The following CHD9 variants were observed in gnomAD, a reference collection of about 807,000 sequenced individuals.
CHD9 encodes the protein ATP-dependent chromatin remodeler CHD9.
Under a neutral mutation model 316.1 loss-of-function variants are expected in CHD9, and 77 were observed. The ratio of observed to expected loss-of-function variants is 0.24; its 90% CI spans 0.20 to 0.29. The LOEUF (loss-of-function observed/expected upper bound fraction) is 0.29. Ranked by LOEUF, CHD9 falls within the 10% of genes least tolerant of loss-of-function variation. The probability of loss-of-function intolerance (pLI) is 1.00; values close to 1 mark genes in which losing one functional copy is unlikely to be tolerated. For synonymous variants in CHD9, 1,129 were observed against 1,158.3 expected, an observed-to-expected ratio of 0.97 and a Z score of 0.51; for missense variants, 2,763 against 3,438.1, an observed-to-expected ratio of 0.80 and a Z score of 4.91.
chr16:53,183,877 C>A (rs2043752355), intron 2 of CHD9, among the ~76,000 whole-genome samples: 1 of 152,164 alleles, frequency 6.6e-6, no homozygotes, highest in Admixed American at 6.5e-5. Context: ...TGTCCTCATT[C>A]ATAAAATGTG....
chr16:53,130,384 G>A (rs960191689), intron 1 of CHD9, among the ~76,000 whole-genome samples: 7 of 152,132 alleles, frequency 4.6e-5, no homozygotes, highest in Middle Eastern at 3.4e-3. Flanking sequence ...CTGCCCGAGA[G>A]ATGCCCTGCA....
chr16:53,127,952 A>G (rs1329686769), intron 1 of CHD9, among the ~76,000 whole-genome samples: 1 of 151,764 alleles, frequency 6.6e-6, no homozygotes, highest in Non-Finnish European at 1.5e-5. Flanking sequence ...AAAAAAAAAA[A>G]AAAAAAAGCC....
rs1480227054 is a variant in CHD9, at chr16:53,156,485, C to T, written c.396C>T (p.Thr132=). 3.7e-6 allele frequency: 6 copies of T among 1,613,938 alleles called. No homozygotes were observed. The East Asian group carries it at 1.3e-4, about 36-fold the overall frequency. The change falls in exon 2 of 39, where the codon ACC becomes ACT. Residue 132 remains threonine, a synonymous_variant. Transcript: ENST00000447540. ...TGTGGGGCCATCAGACAGCTACTAC[C>T]ATTTCAAATCAAAATGGATCTCCTT... ...SPMWGHQTAT[T]ISNQNGSPFH... is the part of the protein sequence containing the mutation.
chr16:53,100,194 C>T (rs968624696), intron 1 of CHD9, among the ~76,000 whole-genome samples: 8 of 152,304 alleles, frequency 5.3e-5, no homozygotes, highest in African/African-American at 1.9e-4. Flanking sequence ...CCGAAGAAAA[C>T]TTCTCCTGCC....
intron 3 of CHD9, among the ~76,000 whole-genome samples, chr16:53,210,685 G>T (rs79231128): frequency 6.6e-6 from 1 of 151,864 alleles, no homozygotes; most frequent in Admixed American, 6.6e-5. Context: ...CAAAAAGTCC[G>T]CAATAAAGAA....
chr16:53,290,439 A>AG, intron 27 of CHD9, among the ~76,000 whole-genome samples: 1 of 152,104 alleles, frequency 6.6e-6, no homozygotes, highest in East Asian at 1.9e-4. Flanking sequence ...TGACTGACAG[A>AG]GGAAAAACTA....
In CHD9 at chr16:53,324,716, T is replaced by C. The variant is rs2057477206; in HGVS notation, c.8515T>C (p.Ser2839Pro). The C allele has an allele frequency of 6.2e-7, 1 of 1,613,332 alleles. No individual in the cohort carries two copies. The highest frequency in any genetic ancestry group is 1.1e-5 in the South Asian group (1 of 90,940). Residue 2839 changes from serine (S) to proline (P), a missense_variant, in exon 39 of 39, where the codon TCT (serine) becomes CCT (proline). Transcript: ENST00000447540. ...AAACAGTGACTTAGGCTCGTCTAAG[T>C]CTGTAGAAGTAAAAGAAGAAGATTC... is the stretch of plus-strand genomic sequence containing the variant. ...NKNSDLGSSK[S>P]VEVKEEDSRI...
chr16:53,227,414 G>C lies in CHD9; in HGVS notation c.2062G>C (p.Asp688His). Residue 688 changes from aspartate to histidine, a missense_variant, in exon 6 of 39, where the codon GAT (aspartate) becomes CAT (histidine). Physicochemically the swap from Asp to His is moderately conservative, Grantham distance 81. This residue lies in a region of CHD9 where 859 missense variants were observed against 890.4 expected (regional missense o/e 0.96). Transcript: ENST00000447540. ...QLFVENPSEE[D>H]AAIVDKILSS... ...CCCATAGGAGAATCCGAGTGAAGAA[G>C]ATGCTGCAATTGTAGACAAAATTCT... 6.4e-7 allele frequency: 1 copy of C among 1,570,886 alleles called. No individual in the cohort carries two copies.
chr16:53,078,771 T>C (rs1165512849), intron 1 of CHD9, among the ~76,000 whole-genome samples: 1 of 152,200 alleles, frequency 6.6e-6, no homozygotes, highest in East Asian at 1.9e-4. Flanking sequence ...TCATGGCTCC[T>C]GGCCCAGAAG....
In CHD9 at chr16:53,305,841, T is replaced by A. The variant is rs1219343976; in HGVS notation, c.6620-396T>A. On this transcript the variant is annotated intron_variant, in intron 31 of 38. Transcript: ENST00000447540. Reference sequence around the variant, plus strand: ...TGCCCAATTCTAAGAGTTACAAGAGTCACCTAATCAAGAGAATTATGGTAT... The same window carrying A: ...TGCCCAATTCTAAGAGTTACAAGAGACACCTAATCAAGAGAATTATGGTAT... Among the ~76,000 whole-genome samples the A allele has an allele frequency of 2.0e-5, 3 of 152,084 alleles. No individual in the cohort carries two copies. The East Asian group carries it at 5.8e-4, about 29-fold the overall frequency.
intron 1 of CHD9, among the ~76,000 whole-genome samples, chr16:53,108,576 T>C (rs1415044703): frequency 6.6e-6 from 1 of 151,624 alleles, no homozygotes; most frequent in Non-Finnish European, 1.5e-5. Flanking sequence ...ATATCAATTA[T>C]TAAAACCTCT....
chr16:53,220,021 G>A (rs1379916704), intron 3 of CHD9, among the ~76,000 whole-genome samples: 1 of 152,144 alleles, frequency 6.6e-6, no homozygotes, highest in Non-Finnish European at 1.5e-5. Context: ...AGGTCATATG[G>A]GGTCTAACAG....
At chr16:53,238,932 T>C (rs2152941606) in intron 12 of CHD9, among the ~76,000 whole-genome samples, 1 of 152,318 alleles carries the variant, frequency 6.6e-6, no homozygotes, top group East Asian at 1.9e-4. Context: ...CTCTGATCAT[T>C]GTCCAGCTTT....
intron 1 of CHD9, among the ~76,000 whole-genome samples, chr16:53,131,674 C>G (rs1597087137): frequency 6.6e-6 from 1 of 151,982 alleles, no homozygotes; most frequent in Non-Finnish European, 1.5e-5. Context: ...GGGTTGGGTT[C>G]CCTCCCGACG....
chr16:53,326,539 A>G lies in CHD9; in HGVS notation c.*1644A>G, dbSNP rs917596062. The stretch of plus-strand genomic sequence containing the variant: ...GTGTTATATGTATTTACAAAATTAT[A>G]TAAGTTCCATTGGGATTGTATTGAT... On this transcript the variant is annotated 3_prime_UTR_variant, in exon 39 of 39. Coordinates refer to ENST00000447540, the MANE Select transcript of CHD9 (RefSeq NM_001308319.2). 2 of 152,500 alleles carry G rather than the reference A, an allele frequency of 1.3e-5. No homozygotes were observed. The highest frequency in any genetic ancestry group is 2.4e-5 in the African/African-American group (1 of 41,466). The allele number at this position is 152,500 out of a possible 1,614,324, so 9.4% of individuals were successfully genotyped here. A position where few individuals can be genotyped will look rare whatever the true frequency, so the allele number is the denominator to read the frequency against.
intron 1 of CHD9, among the ~76,000 whole-genome samples, chr16:53,127,621 G>A (rs1486174063): frequency 6.6e-6 from 1 of 151,874 alleles, no homozygotes; most frequent in Non-Finnish European, 1.5e-5. Flanking sequence ...AAATGGGGGC[G>A]GGGGGGAATC....
Position 53,285,677 on chromosome 16 carries a change from C to G in CHD9, c.5049C>G (p.Leu1683=), listed in dbSNP as rs2053811433. Residue 1683 remains leucine (L), a synonymous_variant, in exon 25 of 39, where the codon CTC becomes CTG. Coordinates refer to ENST00000447540, the MANE Select transcript of CHD9 (RefSeq NM_001308319.2). ...EWWDFDADKS[L]LIGVFKHGYE... is the part of the protein sequence containing the mutation. Reference sequence around the variant, plus strand: ...GGGATTTTGATGCTGATAAGTCACTCCTTATTGGAGTTTTTAAACATGGTA... The same window carrying G: ...GGGATTTTGATGCTGATAAGTCACTGCTTATTGGAGTTTTTAAACATGGTA... The G allele has an allele frequency of 6.2e-7, 1 of 1,605,740 alleles. No homozygotes were observed. The highest frequency in any genetic ancestry group is 2.2e-5 in the East Asian group (1 of 44,530).
At chr16:53,182,282 T>C (rs2043592110) in intron 2 of CHD9, among the ~76,000 whole-genome samples, 1 of 152,282 alleles carries the variant, frequency 6.6e-6, no homozygotes, top group South Asian at 2.1e-4. Context: ...GCAGCCTTGA[T>C]CTTCCAGGCT....
rs980760606 is a variant in CHD9, at chr16:53,102,363, AATTATT to A, written c.-165+47295_-165+47300del. ...TGTGTTGAGTACAGTGTCTAATAATAATTATTATTATTATATTAATAGTAAGATTTT... is the reference window on the plus strand; with the variant it reads ...TGTGTTGAGTACAGTGTCTAATAATAATTATTATATTAATAGTAAGATTTT... On this transcript the variant is annotated intron_variant, in intron 1 of 38. Transcript: ENST00000447540. 4.1e-4 allele frequency among the ~76,000 whole-genome samples: 62 copies of A among 151,926 alleles called. 1 individual carries two copies. Among genetic ancestry groups the A allele is most frequent in the Non-Finnish European group, 1.0e-4 (7 of 67,992 alleles).
Sources: gnomAD v4.1 joint callset for allele counts (sites outside exome capture counted in the v4.1 genomes callset) on GRCh38, gnomAD v4.1.1 for gene constraint, gnomAD v4.1.1 regional missense constraint, MANE v1.5 for transcripts, NCBI Gene and HGNC (gene_info 2026-07-23, HGNC 2026-07-21) for gene names.